The following PMF1 variants were observed in gnomAD, a reference collection of about 807,000 sequenced individuals.
PMF1 encodes polyamine modulated factor 1.
A neutral mutation model predicts 26.7 loss-of-function variants in PMF1; 21 were observed. The ratio of observed to expected loss-of-function variants is 0.79; its 90% CI spans 0.56 to 1.13. The LOEUF is 1.13. Ranked by LOEUF, PMF1 falls within the 50% of genes most tolerant of loss-of-function variation. The pLI is 0.00. For synonymous variants in PMF1, 105 were observed against 101.0 expected (o/e 1.04, Z -0.24); for missense variants, 266 against 254.9 (o/e 1.04, Z -0.30).
At position 156,236,292 on chromosome 1, in the gene PMF1, C is replaced by T. The variant is rs1229804115; in HGVS notation, c.373C>T (p.Pro125Ser). 6.2e-7 allele frequency: 1 copy of T among 1,607,480 alleles called. No homozygotes were observed. The highest frequency in any genetic ancestry group is 1.3e-5 in the African/African-American group (1 of 74,800). The change falls in exon 4 of 5, where the codon CCC (proline) becomes TCC (serine). Residue 125 changes from proline to serine, a missense_variant. Physicochemically the swap from Pro to Ser is moderately conservative, Grantham distance 74. Coordinates refer to ENST00000368277, the MANE Select transcript of PMF1 (RefSeq NM_007221.4). ...GKVRKEPAWRPSGIPEKDLHS... is the reference protein window; with the variant it reads ...GKVRKEPAWRSSGIPEKDLHS... ...GTGCCCCGTGTGGCCCTCCAGGCGC[C>T]CCAGCGGGATCCCAGAGAAGGATCT...
At position 156,239,598 on chromosome 1, in the gene PMF1, GTGAGGA is replaced by G. The variant is rs1659233413; in HGVS notation, c.616_*3del. On this transcript the variant is annotated stop_lost and 3_prime_UTR_variant, in exon 5 of 5. Transcript: ENST00000368277. The stretch of plus-strand genomic sequence containing the variant: ...TGGTTGCTGTGCTGAGGGAGCCTGA[GTGAGGA>G]GACCGCCAGCCCCAGAAGCAGAGGG... 2.5e-6 allele frequency: 4 copies of G among 1,612,154 alleles called. No homozygotes were observed. In the Admixed American group the frequency reaches 5.0e-5, roughly 20 times the overall value.
intron 1 of PMF1, among the ~76,000 whole-genome samples, chr1:156,216,403 A>G (rs1657702606): frequency 6.6e-6 from 1 of 151,958 alleles, no homozygotes; most frequent in Non-Finnish European, 1.5e-5. Context: ...AAAAATAAAT[A>G]AAATAAAATA....
At chr1:156,220,110 C>T (rs560158070) in intron 1 of PMF1, among the ~76,000 whole-genome samples, 121 of 152,070 alleles carry the variant, frequency 8.0e-4, no homozygotes, top group Middle Eastern at 3.4e-3. Flanking sequence ...ACTACAGGCA[C>T]CCGCCACCAC....
At chr1:156,234,497 T>A (rs561357223) in intron 3 of PMF1, among the ~76,000 whole-genome samples, 1 of 150,978 alleles carries the variant, frequency 6.6e-6, no homozygotes, top group African/African-American at 2.5e-5. Context: ...TACTATATGA[T>A]CGATATTGTT....
At chr1:156,219,165 C>A (rs941177545) in intron 1 of PMF1, among the ~76,000 whole-genome samples, 2 of 151,816 alleles carry the variant, frequency 1.3e-5, no homozygotes, top group African/African-American at 4.8e-5. Context: ...GTGATTCGCC[C>A]GCCTCAGCCT....
chr1:156,236,088 A>G (rs1658991613), intron 3 of PMF1, among the ~76,000 whole-genome samples, 200 bp from the exon 4 acceptor site: 1 of 152,180 alleles, frequency 6.6e-6, no homozygotes, highest in South Asian at 2.1e-4. Flanking sequence ...ACCCCTAAGC[A>G]TTGAAACCCA....
At chr1:156,213,224 C>G in intron 1 of PMF1, 48 bp downstream of exon 1, 1 of 1,597,940 alleles carries the variant, frequency 6.3e-7, no homozygotes, top group Non-Finnish European at 8.6e-7. Context: ...CACCGAAGCT[C>G]AAATCCCGCG....
intron 4 of PMF1, among the ~76,000 whole-genome samples, chr1:156,237,610 C>G (rs1659106604): frequency 3.4e-5 from 5 of 147,278 alleles, no homozygotes; most frequent in African/African-American, 1.4e-4. Context: ...CCACACCCAG[C>G]TAAATTTTGT....
chr1:156,219,366 G>A (rs1657954998), intron 1 of PMF1, among the ~76,000 whole-genome samples: 1 of 152,100 alleles, frequency 6.6e-6, no homozygotes, highest in Admixed American at 6.6e-5. Flanking sequence ...ATAGTCTCAA[G>A]CCAGGCTTAT....
At chr1:156,223,189 C>T (rs887421021) in intron 1 of PMF1, among the ~76,000 whole-genome samples, 28 of 152,206 alleles carry the variant, frequency 1.8e-4, no homozygotes, top group African/African-American at 6.5e-4. Flanking sequence ...ACTTTCCCTC[C>T]GTATGTTTCC....
chr1:156,238,523 G>GTA (rs978137502), intron 4 of PMF1, among the ~76,000 whole-genome samples: 3 of 152,326 alleles, frequency 2.0e-5, no homozygotes, highest in Admixed American at 6.5e-5. Flanking sequence ...AAGCTTTCTA[G>GTA]TAGGGCTCAA....
At chr1:156,216,832 G>C (rs1430957883) in intron 1 of PMF1, among the ~76,000 whole-genome samples, 1 of 151,810 alleles carries the variant, frequency 6.6e-6, no homozygotes, top group Non-Finnish European at 1.5e-5. Flanking sequence ...CGACTCGCTG[G>C]CCGGCCGGCC....
rs540506785 is a variant in PMF1 at position 156,236,621 on chromosome 1, A to G, written c.564+138A>G. The G allele has an allele frequency of 1.3e-4, 153 of 1,161,008 alleles. 3 individuals carry two copies. In the South Asian group the frequency reaches 2.2e-3, roughly 17 times the overall value. 71.9% of individuals were successfully genotyped at this position (1,161,008 alleles called of 1,614,324 possible). A position where few individuals can be genotyped will look rare whatever the true frequency, so the allele number is the denominator to read the frequency against. On this transcript the variant is annotated intron_variant, in intron 4 of 4. Transcript: ENST00000368277. ...GCTTGCCCCCTGGGGAACAGTCATG[A>G]ATTACCTCTCCTTGGGCGTGTGCAG...
intron 1 of PMF1, among the ~76,000 whole-genome samples, chr1:156,217,976 G>A (rs534859718): frequency 6.6e-6 from 1 of 152,340 alleles, no homozygotes; most frequent in South Asian, 2.1e-4. Flanking sequence ...ACCTACCTCT[G>A]TTCCATCAGA....
intron 1 of PMF1, among the ~76,000 whole-genome samples, chr1:156,229,944 TGGCCC>T (rs1658601826): frequency 6.6e-6 from 1 of 152,260 alleles, no homozygotes. Flanking sequence ...GTTTAACACT[TGGCCC>T]AGAGTTCCTG....
At chr1:156,218,915 AT>A (rs146823803) in intron 1 of PMF1, among the ~76,000 whole-genome samples, 13 of 142,062 alleles carry the variant, frequency 9.2e-5, no homozygotes, top group Non-Finnish European at 1.6e-4. Flanking sequence ...TTATTTTTTT[AT>A]TTTTTTTTAA....
Position 156,213,040 on chromosome 1 carries a change from C to G in PMF1, c.25C>G (p.Leu9Val). The G allele has an allele frequency of 1.2e-6, 2 of 1,614,228 alleles. No individual in the cohort carries two copies. The highest frequency in any genetic ancestry group is 8.5e-7 in the Non-Finnish European group (1 of 1,180,020). The stretch of plus-strand genomic sequence containing the variant: ...CATGGCCGAAGCAAGTAGCGCCAAT[C>G]TAGGCAGCGGCTGTGAGGAAAAAAG... MAEASSAN[L>V]GSGCEEKRHE... is the part of the protein sequence containing the mutation. The change falls in exon 1 of 5, where the codon CTA (leucine) becomes GTA (valine). Residue 9 changes from leucine (L) to valine (V), a missense_variant. By Grantham distance (32) the Leu-to-Val change is conservative (BLOSUM62 1). Transcript: ENST00000368277.
chr1:156,235,542 C>T (rs1224188549), intron 3 of PMF1, among the ~76,000 whole-genome samples: 2 of 145,528 alleles, frequency 1.4e-5, no homozygotes, highest in Admixed American at 6.9e-5. Flanking sequence ...CCTGGGTTCA[C>T]GCCATTCTCC....
intron 1 of PMF1, among the ~76,000 whole-genome samples, chr1:156,216,697 C>T (rs1465202933): frequency 6.6e-6 from 1 of 151,714 alleles, no homozygotes; most frequent in African/African-American, 2.4e-5. Flanking sequence ...CTCTCCGCTG[C>T]GGGCGCCCGG....
Sources: gnomAD v4.1 joint callset for allele counts (sites outside exome capture counted in the v4.1 genomes callset) on GRCh38, gnomAD v4.1.1 for gene constraint, MANE v1.5 for transcripts, NCBI Gene and HGNC (gene_info 2026-07-23, HGNC 2026-07-21) for gene names.